MAP3K5: variants seen among roughly 807,000 people sequenced by gnomAD.
MAP3K5 encodes the protein ASK-1.
MAP3K5 carries 56 observed loss-of-function variants against 158.7 expected under a neutral mutation model. The observed-to-expected ratio is 0.35, with a 90% CI of 0.28 to 0.44. MAP3K5 has a LOEUF of 0.44. MAP3K5 is among the 20% of genes least tolerant of loss of function. The probability of loss-of-function intolerance (pLI) is 1.00; values close to 1 mark genes in which losing one functional copy is unlikely to be tolerated. For synonymous variants in MAP3K5, 579 were observed against 601.7 expected (o/e 0.96, Z 0.55); for missense variants, 1,294 against 1,674.8 (o/e 0.77, Z 3.97).
chr6:136,673,490 AAAG>A (rs1779571594), intron 7 of MAP3K5, among the ~76,000 whole-genome samples: 1 of 152,202 alleles, frequency 6.6e-6, no homozygotes, highest in Admixed American at 6.5e-5. Context: ...CAAATACGGT[AAAG>A]AATATAGAGA....
At chr6:136,593,775 C>T in intron 21 of MAP3K5, 1 of 404,770 alleles carries the variant, frequency 2.5e-6, no homozygotes, top group Non-Finnish European at 4.8e-6. Context: ...AACACACATC[C>T]TAATGCTACA....
intron 1 of MAP3K5, among the ~76,000 whole-genome samples, chr6:136,724,519 A>G (rs1161125572): frequency 6.6e-6 from 1 of 152,184 alleles, no homozygotes; most frequent in Admixed American, 6.5e-5. Flanking sequence ...AAGTGCTGGG[A>G]TAACAAGCAT....
At chr6:136,746,210 A>G (rs188625250) in intron 1 of MAP3K5, among the ~76,000 whole-genome samples, 2 of 152,208 alleles carry the variant, frequency 1.3e-5, no homozygotes. Flanking sequence ...GTTCAAGTTA[A>G]TAAGTATTCT....
chr6:136,640,029 GT>G lies in MAP3K5; in HGVS notation c.1839-392del, dbSNP rs1275065204. ...TATGCAATCTGTAGAACAATGAAAT[GT>G]TTCCAAAGCTAGGCAGTCAATTTGT... is the stretch of plus-strand genomic sequence containing the variant. On this transcript the variant is annotated intron_variant, in intron 12 of 29. Transcript: ENST00000359015. Among the ~76,000 whole-genome samples the G allele has an allele frequency of 5.9e-5, 9 of 152,228 alleles. 1 individual carries two copies. The highest frequency in any genetic ancestry group is 4.6e-4 in the Admixed American group (7 of 15,282).
intron 7 of MAP3K5, among the ~76,000 whole-genome samples, chr6:136,669,655 A>G (rs939675844): frequency 6.6e-6 from 1 of 152,140 alleles, no homozygotes; most frequent in Non-Finnish European, 1.5e-5. Flanking sequence ...CTCTTCAACC[A>G]TCTACCAGAA....
chr6:136,698,026 T>TGAGCCACGGCAC (rs1172135949), intron 4 of MAP3K5, among the ~76,000 whole-genome samples: 2 of 152,232 alleles, frequency 1.3e-5, no homozygotes, highest in African/African-American at 4.8e-5. Flanking sequence ...ATTACAGGCA[T>TGAGCCACGGCAC]GAGCCACGGC....
chr6:136,669,501 TG>T (rs1759368852), intron 7 of MAP3K5, 106 bp from the exon 8 acceptor site: 2 of 672,324 alleles, frequency 3.0e-6, no homozygotes, highest in East Asian at 5.4e-5. Context: ...GTAAAAATAT[TG>T]CACTGGCCTT....
rs564484249 is a variant in MAP3K5, at chr6:136,634,897, T to G, written c.2016+2428A>C. On this transcript the variant is annotated intron_variant, in intron 14 of 29. Transcript: ENST00000359015. ...ATAATTTCTTTTCTTCTCTTTTTTT[T>G]TTTTGAGACGGAGTTTTGCTCTTGT... Among the ~76,000 whole-genome samples the G allele has an allele frequency of 1.1e-4, 17 of 151,836 alleles. No homozygotes were observed. In the South Asian group the frequency reaches 3.5e-3, roughly 32 times the overall value.
intron 4 of MAP3K5, among the ~76,000 whole-genome samples, chr6:136,697,696 A>C (rs1780662036): frequency 6.6e-6 from 1 of 152,026 alleles, no homozygotes; most frequent in Admixed American, 6.6e-5. Flanking sequence ...TACTGTTTCC[A>C]GTACAAATTG....
intron 14 of MAP3K5, among the ~76,000 whole-genome samples, chr6:136,624,197 GA>G (rs1463801581): frequency 2.0e-5 from 3 of 149,710 alleles, no homozygotes; most frequent in African/African-American, 4.9e-5. Context: ...CCATCTCAAA[GA>G]AAAAAAAATG....
chr6:136,605,376 A>G lies in MAP3K5; in HGVS notation c.2522-10T>C, dbSNP rs1224921421. On this transcript the variant is annotated splice_polypyrimidine_tract_variant and intron_variant, in intron 18 of 29. Transcript: ENST00000359015. ...ATATACTGGAGGGTACCTGGAAACA[A>G]TTCAAACACATTTCCATTTTAAAAA... is the stretch of plus-strand genomic sequence containing the variant. 1.9e-6 allele frequency: 3 copies of G among 1,595,486 alleles called. No individual in the cohort carries two copies. The African/African-American group carries it at 4.1e-5, about 22-fold the overall frequency.
Position 136,791,753 on chromosome 6 carries a change from G to C in MAP3K5, c.405C>G (p.Leu135=), listed in dbSNP as rs148188997. ...CCAGCACGGTGGTTTCTCCAAAGTC[G>C]AGTTTCCCAAAATGCAGGGTTTCCA... ...ATLETLHFGK[L]DFGETTVLDR... Residue 135 remains leucine (L), a synonymous_variant, in exon 1 of 30, where the codon CTC becomes CTG. Coordinates refer to ENST00000359015, the MANE Select transcript of MAP3K5 (RefSeq NM_005923.4). The C allele has an allele frequency of 3.1e-6, 5 of 1,613,310 alleles. No individual in the cohort carries two copies. The highest frequency in any genetic ancestry group is 3.4e-6 in the Non-Finnish European group (4 of 1,180,034).
At chr6:136,648,020 C>T (rs1778347845) in intron 11 of MAP3K5, 1 of 152,170 alleles carries the variant, frequency 6.6e-6, no homozygotes, top group African/African-American at 2.4e-5. Context: ...ATTAAAATGA[C>T]ATGTTAGAAA....
chr6:136,563,174 C>T (rs149710597), intron 26 of MAP3K5, among the ~76,000 whole-genome samples: 3 of 152,140 alleles, frequency 2.0e-5, no homozygotes, highest in East Asian at 1.9e-4. Context: ...CTGTGCTTGC[C>T]GACAAGAATT....
In MAP3K5 at chr6:136,792,057, C is replaced by T; in HGVS notation, c.101G>A (p.Gly34Glu). Residue 34 changes from glycine (G) to glutamate (E), a missense_variant, in exon 1 of 30, where the codon GGA becomes GAA. Transcript: ENST00000359015. This position sits in a 1 kb window ranked among gnomAD's most constrained non-coding sequence, Gnocchi z 5.7. Reference sequence around the variant, plus strand: ...CTCGCCCTCGCCCACCGCCGCCGCTCCTCCCCTCCTGCAGATGCCGCCCTC... The same window carrying T: ...CTCGCCCTCGCCCACCGCCGCCGCTTCTCCCCTCCTGCAGATGCCGCCCTC... ...IPEGGICRRG[G>E]AAAVGEGEEH... The T allele has an allele frequency of 6.4e-7, 1 of 1,556,412 alleles. No individual in the cohort carries two copies. Among genetic ancestry groups the T allele is most frequent in the Non-Finnish European group, 8.6e-7 (1 of 1,158,236 alleles).
intron 20 of MAP3K5, 39 bp from the exon 21 acceptor site, chr6:136,601,081 G>A (rs1775854133): frequency 6.2e-7 from 1 of 1,610,466 alleles, no homozygotes; most frequent in Non-Finnish European, 8.5e-7. Flanking sequence ...ATAAGCACGT[G>A]CTGGGTTTGT....
chr6:136,665,205 T>C (rs1779175171), intron 8 of MAP3K5, among the ~76,000 whole-genome samples: 1 of 152,224 alleles, frequency 6.6e-6, no homozygotes, highest in Non-Finnish European at 1.5e-5. Flanking sequence ...AAATTGATGA[T>C]CCTTGCCAGA....
At chr6:136,683,552 C>T (rs980767811) in intron 7 of MAP3K5, among the ~76,000 whole-genome samples, 2 of 152,228 alleles carry the variant, frequency 1.3e-5, no homozygotes, top group South Asian at 4.1e-4. Flanking sequence ...TTAGGAGATA[C>T]ACTTTCTTAT....
At chr6:136,789,123 C>T (rs977393506) in intron 1 of MAP3K5, among the ~76,000 whole-genome samples, 3 of 152,004 alleles carry the variant, frequency 2.0e-5, no homozygotes, top group Non-Finnish European at 4.4e-5. Context: ...TAGCAAGACC[C>T]CGTCTCTACA....
Sources: allele counts gnomAD v4.1 joint callset (sites outside exome capture counted in the v4.1 genomes callset), GRCh38; gene constraint gnomAD v4.1.1; non-coding constraint Gnocchi (gnomAD v3.1); transcripts MANE v1.5; gene names NCBI Gene and HGNC (gene_info 2026-07-23, HGNC 2026-07-21).